The following PTPRD variants were observed in gnomAD, a reference collection of about 807,000 sequenced individuals.
PTPRD encodes protein tyrosine phosphatase receptor type D, also known as receptor-type tyrosine-protein phosphatase delta.
Under a neutral mutation model 214.5 loss-of-function variants are expected in PTPRD, and 34 were observed. The ratio of observed to expected loss-of-function variants is 0.16; its 90% CI spans 0.12 to 0.21. The LOEUF (loss-of-function observed/expected upper bound fraction) is 0.21, where lower values mean the gene tolerates loss of function less well. Among genes scored for constraint, PTPRD ranks in the 10% least tolerant of loss-of-function variants. PTPRD has a pLI of 1.00. For synonymous variants in PTPRD, 1,128 were observed against 845.7 expected, an observed-to-expected ratio of 1.33 and a Z score of -5.79; for missense variants, 2,545 against 2,398.7, an observed-to-expected ratio of 1.06 and a Z score of -1.27.
intron 9 of PTPRD, among the ~76,000 whole-genome samples, chr9:9,371,229 A>T (rs1178500868): frequency 3.3e-5 from 5 of 152,102 alleles, no homozygotes; most frequent in African/African-American, 1.2e-4. Context: ...TCGGCTGTGA[A>T]TCCATCTGGT....
intron 7 of PTPRD, among the ~76,000 whole-genome samples, chr9:9,665,535 G>A (rs1004603503): frequency 1.4e-4 from 21 of 151,742 alleles, no homozygotes; most frequent in Admixed American, 7.2e-4. Flanking sequence ...ATTCAGTTAA[G>A]AAAACTGAGG....
At chr9:9,420,144 C>G (rs7040937) in intron 8 of PTPRD, among the ~76,000 whole-genome samples, 123,168 of 151,530 alleles carry the variant, frequency 0.81, 50,206 homozygotes, top group African/African-American at 0.83. Context: ...TTAAAGTTTA[C>G]CCAAAATTAT....
chr9:8,387,135 A>G (rs2087407162), intron 37 of PTPRD, among the ~76,000 whole-genome samples: 1 of 152,222 alleles, frequency 6.6e-6, no homozygotes, highest in African/African-American at 2.4e-5. Context: ...TCCTTAGGCC[A>G]TTTAACAAAG....
In PTPRD at chr9:9,204,780, CTAA is replaced by C. The variant is rs1439347592; in HGVS notation, c.-202-21420_-202-21418del. 6.6e-5 allele frequency among the ~76,000 whole-genome samples: 10 copies of C among 152,218 alleles called. No homozygotes were observed. The East Asian group carries it at 1.7e-3, about 26-fold the overall frequency. On this transcript the variant is annotated intron_variant, in intron 9 of 45. Transcript: ENST00000381196. Reference sequence around the variant, plus strand: ...TGACACAGATTTACTTGAAATTGTGCTAATATTATATTGTATATTAAAAATGAC... The same window carrying C: ...TGACACAGATTTACTTGAAATTGTGCTATTATATTGTATATTAAAAATGAC...
At position 9,831,529 on chromosome 9, in the gene PTPRD, G is replaced by T. The variant is rs191980717; in HGVS notation, c.-367-64678C>A. Among the ~76,000 whole-genome samples, 795 of 151,970 alleles carry T rather than the reference G, an allele frequency of 5.2e-3. 34 individuals are homozygous for T. The highest frequency in any genetic ancestry group is 0.05 in the Admixed American group (759 of 15,202). ...ACCCTTTTATAACTTGTCTGATAGGGTTGCTCATCGTAAGATTGAAGATGA... is the reference window on the plus strand; with the variant it reads ...ACCCTTTTATAACTTGTCTGATAGGTTTGCTCATCGTAAGATTGAAGATGA... On this transcript the variant is annotated intron_variant, in intron 5 of 45. Coordinates refer to ENST00000381196, the MANE Select transcript of PTPRD (RefSeq NM_002839.4).
intron 2 of PTPRD, among the ~76,000 whole-genome samples, chr9:10,380,804 G>C (rs143196026): frequency 2.0e-4 from 31 of 151,894 alleles, no homozygotes; most frequent in Non-Finnish European, 3.2e-4. Context: ...TTTTTTCCTA[G>C]TTTGATACCT....
intron 2 of PTPRD, among the ~76,000 whole-genome samples, chr9:10,356,032 A>G (rs1209636166): frequency 1.3e-5 from 2 of 152,130 alleles, no homozygotes; most frequent in Admixed American, 6.6e-5. Flanking sequence ...TTAACATAAC[A>G]TTCCAAATTT....
At chr9:9,166,517 T>C (rs2099904326) in intron 10 of PTPRD, among the ~76,000 whole-genome samples, 1 of 152,098 alleles carries the variant, frequency 6.6e-6, no homozygotes. Context: ...GGCTCAAAAG[T>C]GGTCCCAAGG....
chr9:9,244,805 G>A (rs544793156), intron 9 of PTPRD, among the ~76,000 whole-genome samples: 4 of 152,180 alleles, frequency 2.6e-5, no homozygotes, highest in African/African-American at 7.2e-5. Flanking sequence ...TTAAACTAAA[G>A]AGCTTCTGCA....
intron 11 of PTPRD, among the ~76,000 whole-genome samples, chr9:9,005,841 G>A (rs1589658602): frequency 2.0e-5 from 3 of 151,948 alleles, no homozygotes; most frequent in East Asian, 3.9e-4. Flanking sequence ...TGATTGTTCA[G>A]TGGCTGGGCT....
intron 3 of PTPRD, among the ~76,000 whole-genome samples, chr9:10,285,152 G>C (rs1259704287): frequency 6.6e-6 from 1 of 151,948 alleles, no homozygotes. Context: ...TTGAAACTTA[G>C]GGTCCTAAGT....
At chr9:9,899,076 A>G (rs552030765) in intron 5 of PTPRD, among the ~76,000 whole-genome samples, 2 of 152,254 alleles carry the variant, frequency 1.3e-5, no homozygotes, top group Non-Finnish European at 2.9e-5. Flanking sequence ...ACAAAAGTCA[A>G]TTACTTTCTC....
Position 9,144,918 on chromosome 9 carries a change from A to T in PTPRD, c.-143+38386T>A, listed in dbSNP as rs116508794. Among the ~76,000 whole-genome samples the T allele has an allele frequency of 9.4e-3, 1,427 of 152,340 alleles. 20 individuals are homozygous for T. The highest frequency in any genetic ancestry group is 0.032 in the African/African-American group (1,330 of 41,566). On this transcript the variant is annotated intron_variant, in intron 10 of 45. Coordinates refer to ENST00000381196, the MANE Select transcript of PTPRD (RefSeq NM_002839.4). ...CTTTAAAGTATTTATATCATGTTTT[A>T]GTCTAACTGCATCACCTCACCACTT... is the stretch of plus-strand genomic sequence containing the variant.
At chr9:10,482,349 C>G (rs571835470) in intron 2 of PTPRD, among the ~76,000 whole-genome samples, 2 of 151,282 alleles carry the variant, frequency 1.3e-5, no homozygotes, top group Admixed American at 6.6e-5. Context: ...CCAGCCTGGG[C>G]GACAGAGCAA....
intron 12 of PTPRD, among the ~76,000 whole-genome samples, chr9:8,697,803 T>C (rs941663768): frequency 3.3e-5 from 5 of 151,976 alleles, no homozygotes; most frequent in African/African-American, 1.2e-4. Flanking sequence ...GCACACACAA[T>C]TGTATGCAAT....
intron 4 of PTPRD, among the ~76,000 whole-genome samples, chr9:9,964,657 T>C (rs1342358734): frequency 3.3e-5 from 5 of 152,210 alleles, no homozygotes; most frequent in Admixed American, 3.3e-4. Context: ...AAAAAATGTT[T>C]AGTTTATAAG....
At chr9:9,012,802 C>T (rs558076643) in intron 11 of PTPRD, among the ~76,000 whole-genome samples, 1 of 152,218 alleles carries the variant, frequency 6.6e-6, no homozygotes, top group East Asian at 1.9e-4. Context: ...GCCACTATAT[C>T]CTGTAACATC....
At chr9:9,107,087 A>C (rs960151272) in intron 10 of PTPRD, among the ~76,000 whole-genome samples, 15 of 152,168 alleles carry the variant, frequency 9.9e-5, no homozygotes. Flanking sequence ...TTAGCATAAC[A>C]GATATATTAG....
chr9:9,309,025 A>C (rs1442441977), intron 9 of PTPRD, among the ~76,000 whole-genome samples: 1 of 152,210 alleles, frequency 6.6e-6, no homozygotes, highest in Admixed American at 6.5e-5. Flanking sequence ...CAAATCATTT[A>C]GCTGATTTGT....
Sources: allele counts gnomAD v4.1 joint callset (sites outside exome capture counted in the v4.1 genomes callset), GRCh38; gene constraint gnomAD v4.1.1; transcripts MANE v1.5; gene names NCBI Gene and HGNC (gene_info 2026-07-23, HGNC 2026-07-21).